Variants in HOMER2 observed in about 807,000 individuals in gnomAD.
HOMER2 encodes the protein homer scaffold protein 2, also known as homer protein homolog 2.
In HOMER2, 27 loss-of-function variants were observed where a neutral mutation model predicts 47.0. The observed-to-expected ratio is 0.57, with a 90% CI of 0.42 to 0.79. HOMER2 has a LOEUF of 0.79. HOMER2 is among the 30% of genes least tolerant of loss of function. The pLI, the probability that HOMER2 is intolerant of heterozygous loss-of-function variation, is 0.00. For synonymous variants in HOMER2, 161 were observed against 163.8 expected, an observed-to-expected ratio of 0.98 and a Z score of 0.13; for missense variants, 443 against 435.0, an observed-to-expected ratio of 1.02 and a Z score of -0.16.
chr15:82,915,866 G>A (rs1661670675), intron 1 of HOMER2, among the ~76,000 whole-genome samples: 1 of 152,220 alleles, frequency 6.6e-6, no homozygotes, highest in African/African-American at 2.4e-5. Flanking sequence ...ATGCCCCAAA[G>A]TTGAGGATTG....
At chr15:82,859,174 C>T in intron 4 of HOMER2, 39 bp from the exon 5 acceptor site, 2 of 1,613,612 alleles carry the variant, frequency 1.2e-6, no homozygotes, top group Non-Finnish European at 8.5e-7. Context: ...GATTCCTGGC[C>T]AAAGTGAATT....
chr15:82,955,884 TAGG>T (rs1251913710), upstream of HOMER2, among the ~76,000 whole-genome samples: 2 of 152,078 alleles, frequency 1.3e-5, no homozygotes, highest in African/African-American at 4.8e-5. Flanking sequence ...TCTGTGTGAA[TAGG>T]AGACCTAATT....
intron 1 of HOMER2, among the ~76,000 whole-genome samples, chr15:82,935,733 A>C (rs973526549): frequency 1.3e-5 from 2 of 151,894 alleles, no homozygotes; most frequent in East Asian, 3.9e-4. Context: ...GCCATATCTC[A>C]TCCATCTGAA....
At chr15:82,899,510 C>A (rs1055271133) in intron 1 of HOMER2, among the ~76,000 whole-genome samples, 4 of 152,218 alleles carry the variant, frequency 2.6e-5, no homozygotes, top group African/African-American at 9.6e-5. Flanking sequence ...TTCTCCCATG[C>A]AAAGAATCTA....
chr15:82,928,268 G>A (rs113395986), intron 1 of HOMER2, among the ~76,000 whole-genome samples: 114 of 152,298 alleles, frequency 7.5e-4, no homozygotes, highest in African/African-American at 2.6e-3. Flanking sequence ...TAAAGCTGTT[G>A]ATTCTGATAA....
At chr15:82,928,922 T>C (rs1392428581) in intron 1 of HOMER2, among the ~76,000 whole-genome samples, 1 of 41,762 alleles carries the variant, frequency 2.4e-5, no homozygotes, top group Non-Finnish European at 4.1e-5. Flanking sequence ...CTGTAACAAC[T>C]GGCAAAAAAA....
At chr15:82,945,653 G>C (rs547978155) in intron 1 of HOMER2, among the ~76,000 whole-genome samples, 1 of 151,436 alleles carries the variant, frequency 6.6e-6, no homozygotes, top group East Asian at 1.9e-4. Context: ...TTTTCCTTTT[G>C]TTAAAAAAAA....
chr15:82,956,047 C>G (rs2054584622), upstream of HOMER2, among the ~76,000 whole-genome samples: 1 of 151,990 alleles, frequency 6.6e-6, no homozygotes, highest in Admixed American at 6.6e-5. Context: ...CAAGACCAGC[C>G]TGGCCAACAT....
intron 1 of HOMER2, among the ~76,000 whole-genome samples, chr15:82,960,475 G>A (rs971657454): frequency 2.0e-5 from 3 of 152,130 alleles, no homozygotes; most frequent in East Asian, 3.9e-4. Flanking sequence ...CAAAGTGGCC[G>A]TTAGTATCCA....
chr15:82,859,877 C>T (rs1362410179), intron 4 of HOMER2, among the ~76,000 whole-genome samples: 1 of 151,732 alleles, frequency 6.6e-6, no homozygotes, highest in Non-Finnish European at 1.5e-5. Context: ...AAAAAAAACA[C>T]CATAAACAAA....
intron 2 of HOMER2, among the ~76,000 whole-genome samples, chr15:82,882,349 G>A (rs565568547): frequency 2.4e-4 from 37 of 152,134 alleles, no homozygotes; most frequent in Admixed American, 9.8e-4. Flanking sequence ...CTTCTATGGC[G>A]TTGCCCACCC....
intron 1 of HOMER2, among the ~76,000 whole-genome samples, chr15:82,908,008 G>C (rs1036007377): frequency 7.9e-5 from 12 of 152,186 alleles, no homozygotes; most frequent in African/African-American, 2.9e-4. Context: ...CAAAATGCCA[G>C]ACATTCTATG....
At chr15:82,967,157 G>A (rs1281211552) in intron 1 of HOMER2, among the ~76,000 whole-genome samples, 1 of 152,092 alleles carries the variant, frequency 6.6e-6, no homozygotes, top group Non-Finnish European at 1.5e-5. Context: ...TGAGGCAGGA[G>A]GATCAACTGA....
In HOMER2 at chr15:82,849,570, G is replaced by A; in HGVS notation, c.*145C>T. On this transcript the variant is annotated 3_prime_UTR_variant, in exon 9 of 9. Coordinates refer to ENST00000450735, the MANE Select transcript of HOMER2 (RefSeq NM_004839.4). ...GAGGAGATTTCTATTCTGAAAAGGAGTGAGTGGACGGCACAACTGGTTTGG... is the reference window on the plus strand; with the variant it reads ...GAGGAGATTTCTATTCTGAAAAGGAATGAGTGGACGGCACAACTGGTTTGG... The A allele has an allele frequency of 4.6e-6, 3 of 649,396 alleles. No individual in the cohort carries two copies. The highest frequency in any genetic ancestry group is 2.0e-5 in the South Asian group (1 of 49,780). The allele number at this position is 649,396 out of a possible 1,614,324, so 40.2% of individuals were successfully genotyped here. A position where few individuals can be genotyped will look rare whatever the true frequency, so the allele number is the denominator to read the frequency against.
intron 1 of HOMER2, among the ~76,000 whole-genome samples, chr15:82,936,919 C>G (rs1461974490): frequency 1.3e-5 from 2 of 152,078 alleles, no homozygotes; most frequent in African/African-American, 4.8e-5. Context: ...CAGATTATAA[C>G]AGATTATAAC....
intron 7 of HOMER2, among the ~76,000 whole-genome samples, chr15:82,851,831 G>A (rs1007149428): frequency 2.0e-5 from 3 of 152,178 alleles, no homozygotes; most frequent in African/African-American, 7.2e-5. Context: ...GTCTCTAGCG[G>A]CATTAATTTG....
At chr15:82,842,457 G>A (rs546415915) in exon 2 of HOMER2, 1 of 138,916 alleles carries the variant, frequency 7.2e-6, no homozygotes, top group South Asian at 2.3e-4. Flanking sequence ...ACCACAGCCA[G>A]CTAATTTTTT....
At chr15:82,873,982 C>T (rs1253033198) in intron 3 of HOMER2, among the ~76,000 whole-genome samples, 2 of 152,224 alleles carry the variant, frequency 1.3e-5, no homozygotes, top group Admixed American at 6.5e-5. Flanking sequence ...CTGTGGGAGG[C>T]TTCCTGACTC....
chr15:82,924,411 C>T lies in HOMER2; in HGVS notation c.5+28120G>A, dbSNP rs143791050. Among the ~76,000 whole-genome samples the T allele has an allele frequency of 2.3e-3, 332 of 142,256 alleles. 2 individuals are homozygous for T. Among genetic ancestry groups the T allele is most frequent in the African/African-American group, 7.9e-3 (300 of 38,078 alleles). The allele number at this position is 142,256 out of a possible 152,430, so 93.3% of individuals were successfully genotyped here. On this transcript the variant is annotated intron_variant, in intron 1 of 8. Transcript: ENST00000450735. ...GGCCCCAGAACAGCCCCTGCTTGTT[C>T]CCATGCACCAGGGACATGTCACTTG...
Sources: allele counts gnomAD v4.1 joint callset (sites outside exome capture counted in the v4.1 genomes callset), GRCh38; gene constraint gnomAD v4.1.1; transcripts MANE v1.5; gene names NCBI Gene and HGNC (gene_info 2026-07-23, HGNC 2026-07-21).